DDX25: variants seen among roughly 807,000 people sequenced by gnomAD.
The protein encoded by DDX25 is ATP-dependent RNA helicase DDX25.
DDX25 carries 70 observed loss-of-function variants against 64.6 expected under a neutral mutation model. The ratio of observed to expected loss-of-function variants is 1.08; its 90% CI spans 0.89 to 1.32. The LOEUF is 1.32. Ranked by LOEUF, DDX25 falls within the 40% of genes most tolerant of loss-of-function variation. The probability of loss-of-function intolerance (pLI) is 0.00; values close to 1 mark genes in which losing one functional copy is unlikely to be tolerated. For synonymous variants in DDX25, 211 were observed against 213.3 expected (o/e 0.99, Z 0.09); for missense variants, 587 against 604.4 (o/e 0.97, Z 0.30).
At chr11:125,906,974 C>T (rs758739315) in intron 4 of DDX25, among the ~76,000 whole-genome samples, 8 of 152,194 alleles carry the variant, frequency 5.3e-5, no homozygotes, top group Non-Finnish European at 1.0e-4. Context: ...GATTGCCCCT[C>T]TCCATATCAG....
chr11:125,905,546 T>C lies in DDX25; in HGVS notation c.131-7T>C, dbSNP rs530252868. ...TACTTGTATTGTTTCTCTTCCATCC[T>C]TTCCAGATGGTTCTATTAATAACAT... On this transcript the variant is annotated splice_polypyrimidine_tract_variant and splice_region_variant and intron_variant, in intron 2 of 11. Coordinates refer to ENST00000263576, the MANE Select transcript of DDX25 (RefSeq NM_013264.5). The C allele has an allele frequency of 2.6e-6, 4 of 1,551,208 alleles. No individual in the cohort carries two copies. In the African/African-American group the frequency reaches 5.5e-5, roughly 21 times the overall value.
chr11:125,918,891 G>A, intron 10 of DDX25, 101 bp downstream of exon 10: 1 of 1,321,424 alleles, frequency 7.6e-7, no homozygotes, highest in East Asian at 2.6e-5. Flanking sequence ...ATGCAATCAT[G>A]CAGCTATCAC....
In DDX25 at chr11:125,927,565, T is replaced by C. The variant is rs1945178878; in HGVS notation, c.*4684T>C. The C allele has an allele frequency of 6.6e-6, 1 of 152,250 alleles. No individual in the cohort carries two copies. Among genetic ancestry groups the C allele is most frequent in the African/African-American group, 2.4e-5 (1 of 41,476 alleles). 9.4% of individuals were successfully genotyped at this position (152,250 alleles called of 1,614,324 possible). A position where few individuals can be genotyped will look rare whatever the true frequency, so the allele number is the denominator to read the frequency against. On this transcript the variant is annotated 3_prime_UTR_variant, in exon 12 of 12. Coordinates refer to ENST00000263576, the MANE Select transcript of DDX25 (RefSeq NM_013264.5). ...GTTTCTAGAATATAATTTTCATAAA[T>C]GAGGATGGTCTCCTATTTTGAGCTT...
intron 8 of DDX25, among the ~76,000 whole-genome samples, chr11:125,916,753 G>A (rs1050157312): frequency 5.9e-5 from 9 of 152,286 alleles, no homozygotes; most frequent in African/African-American, 1.9e-4. Context: ...GGAGGAAGTT[G>A]GCATGAGAAA....
At chr11:125,907,367 G>A (rs1591515070) in intron 4 of DDX25, among the ~76,000 whole-genome samples, 1 of 152,154 alleles carries the variant, frequency 6.6e-6, no homozygotes, top group African/African-American at 2.4e-5. Flanking sequence ...CCAGCACTTT[G>A]GGAGGCCAAG....
Position 125,925,883 on chromosome 11 carries a change from A to G in DDX25, c.*3002A>G, listed in dbSNP as rs1945162740. On this transcript the variant is annotated 3_prime_UTR_variant, in exon 12 of 12. Transcript: ENST00000263576. ...AGACATTATTGCTTTTGGTCATGAG[A>G]AAGTGTTGATCCTCCTCAGCAAAGC... 1 of 167,612 alleles carries G rather than the reference A, an allele frequency of 6.0e-6. No homozygotes were observed. Among genetic ancestry groups the G allele is most frequent in the Admixed American group, 6.0e-5 (1 of 16,804 alleles). 10.4% of individuals were successfully genotyped at this position (167,612 alleles called of 1,614,324 possible). A position where few individuals can be genotyped will look rare whatever the true frequency, so the allele number is the denominator to read the frequency against.
At chr11:125,906,350 C>CAAAT in intron 4 of DDX25, 141 bp downstream of exon 4, 2 of 1,103,534 alleles carry the variant, frequency 1.8e-6, no homozygotes, top group Non-Finnish European at 2.5e-6. Context: ...GACAGAGTCT[C>CAAAT]ACTCTGTCCC....
intron 10 of DDX25, 191 bp from the exon 11 acceptor site, chr11:125,921,000 C>T (rs1014332755): frequency 5.1e-6 from 3 of 590,068 alleles, no homozygotes; most frequent in South Asian, 2.2e-5. Flanking sequence ...TGGACACGCT[C>T]ATCTAGCATC....
chr11:125,921,494 G>A lies in DDX25; in HGVS notation c.1390+115G>A, dbSNP rs1945115366. ...TGAGAGTAGTAGAAGCAGAATGCAT[G>A]AGCTGGAAGGCTTCTAATTCACAGG... is the stretch of plus-strand genomic sequence containing the variant. On this transcript the variant is annotated intron_variant, in intron 11 of 11. Coordinates refer to ENST00000263576, the MANE Select transcript of DDX25 (RefSeq NM_013264.5). This position sits in a 1 kb window ranked among gnomAD's most constrained non-coding sequence, Gnocchi z 4.1. 7 of 1,196,432 alleles carry A rather than the reference G, an allele frequency of 5.9e-6. No individual in the cohort carries two copies. The highest frequency in any genetic ancestry group is 2.8e-5 in the Admixed American group (1 of 35,822). The allele number at this position is 1,196,432 out of a possible 1,614,324, so 74.1% of individuals were successfully genotyped here. A position where few individuals can be genotyped will look rare whatever the true frequency, so the allele number is the denominator to read the frequency against.
chr11:125,907,476 C>G (rs570069754), intron 4 of DDX25, among the ~76,000 whole-genome samples: 72 of 152,036 alleles, frequency 4.7e-4, no homozygotes, highest in South Asian at 1.0e-3. Flanking sequence ...GGTGTGGTGG[C>G]GGGCGCCTGT....
chr11:125,919,096 A>C (rs1225143439), intron 10 of DDX25, among the ~76,000 whole-genome samples: 1 of 152,198 alleles, frequency 6.6e-6, no homozygotes, highest in Admixed American at 6.5e-5. Flanking sequence ...GCTCGTAATA[A>C]TACTAATGAA....
Position 125,927,693 on chromosome 11 carries a change from A to G in DDX25, c.*4812A>G, listed in dbSNP as rs1373809550. 1 of 152,210 alleles carries G rather than the reference A, an allele frequency of 6.6e-6. No homozygotes were observed. The highest frequency in any genetic ancestry group is 2.4e-5 in the African/African-American group (1 of 41,446). 9.4% of individuals were successfully genotyped at this position (152,210 alleles called of 1,614,324 possible). On this transcript the variant is annotated 3_prime_UTR_variant, in exon 12 of 12. Coordinates refer to ENST00000263576, the MANE Select transcript of DDX25 (RefSeq NM_013264.5). ...GCTTTCTGTTATATTCGGAGGTAACATGTATAGGTCATGTATAATGGCCTC... is the reference window on the plus strand; with the variant it reads ...GCTTTCTGTTATATTCGGAGGTAACGTGTATAGGTCATGTATAATGGCCTC...
In DDX25 at chr11:125,927,960, T is replaced by G. The variant is rs1945182316; in HGVS notation, c.*5079T>G. 1 of 152,206 alleles carries G rather than the reference T, an allele frequency of 6.6e-6. No homozygotes were observed. The highest frequency in any genetic ancestry group is 2.4e-5 in the African/African-American group (1 of 41,450). 9.4% of individuals were successfully genotyped at this position (152,206 alleles called of 1,614,324 possible). ...GTGGAGCAACATGAGTCTGAGAAGCTTTGCACAAAAGAAGATTGTTTTCCA... is the reference window on the plus strand; with the variant it reads ...GTGGAGCAACATGAGTCTGAGAAGCGTTGCACAAAAGAAGATTGTTTTCCA... On this transcript the variant is annotated 3_prime_UTR_variant, in exon 12 of 12. Transcript: ENST00000263576.
intron 4 of DDX25, among the ~76,000 whole-genome samples, chr11:125,907,544 C>CT (rs1214727669): frequency 2.6e-5 from 4 of 151,942 alleles, no homozygotes; most frequent in Non-Finnish European, 2.9e-5. Context: ...GGAGGTGGAG[C>CT]TTGCAGTGAG....
chr11:125,925,313 T>C lies in DDX25; in HGVS notation c.*2432T>C, dbSNP rs182601852. 3 of 429,462 alleles carry C rather than the reference T, an allele frequency of 7.0e-6. No individual in the cohort carries two copies. Among genetic ancestry groups the C allele is most frequent in the East Asian group, 7.2e-5 (1 of 13,904 alleles). The allele number at this position is 429,462 out of a possible 1,614,324, so 26.6% of individuals were successfully genotyped here. Reference sequence around the variant, plus strand: ...CCCACAGGTCTGCATGAACCAGGTATTTTTCTGCGTTCCCTTTTGCCCCCT... The same window carrying C: ...CCCACAGGTCTGCATGAACCAGGTACTTTTCTGCGTTCCCTTTTGCCCCCT... On this transcript the variant is annotated 3_prime_UTR_variant, in exon 12 of 12. Transcript: ENST00000263576.
Position 125,921,387 on chromosome 11 carries a change from G to A in DDX25, c.1390+8G>A. 1.2e-6 allele frequency: 2 copies of A among 1,612,286 alleles called. No individual in the cohort carries two copies. The highest frequency in any genetic ancestry group is 1.7e-6 in the Non-Finnish European group (2 of 1,178,916). On this transcript the variant is annotated splice_region_variant and intron_variant, in intron 11 of 11. Transcript: ENST00000263576. This position sits in a 1 kb window ranked among gnomAD's most constrained non-coding sequence, Gnocchi z 4.1. ...AAATCCAGGACCACTTTAGTAAGTA[G>A]CACCACCCTCACAATATGAACTACA...
chr11:125,904,361 C>T (rs1025429543), upstream of DDX25: 1 of 616,686 alleles, frequency 1.6e-6, no homozygotes, highest in African/African-American at 1.9e-5. Flanking sequence ...CGCGCGCCAC[C>T]CAGCCTTCCA....
At chr11:125,922,547 C>T (rs1945128592) in intron 11 of DDX25, 2 of 347,084 alleles carry the variant, frequency 5.8e-6, no homozygotes, top group Non-Finnish European at 1.0e-5. Flanking sequence ...CAGGAAGTGA[C>T]TGCAGTAGAA....
At position 125,928,738 on chromosome 11, in the gene DDX25, T is replaced by C. The variant is rs535958373; in HGVS notation, c.*5857T>C. 5 of 152,356 alleles carry C rather than the reference T, an allele frequency of 3.3e-5. No homozygotes were observed. In the South Asian group the frequency reaches 1.0e-3, roughly 32 times the overall value. 9.4% of individuals were successfully genotyped at this position (152,356 alleles called of 1,614,324 possible). The stretch of plus-strand genomic sequence containing the variant: ...GCATCTGTAGTGTTCTTTGCCCATT[T>C]ATCTTGTGGGATGTTAATGGTTTCC... On this transcript the variant is annotated 3_prime_UTR_variant, in exon 12 of 12. Transcript: ENST00000263576.
Sources: allele counts gnomAD v4.1 joint callset (sites outside exome capture counted in the v4.1 genomes callset), GRCh38; gene constraint gnomAD v4.1.1; non-coding constraint Gnocchi (gnomAD v3.1); transcripts MANE v1.5; gene names NCBI Gene and HGNC (gene_info 2026-07-23, HGNC 2026-07-21).